Variants in OOEP observed in about 807,000 individuals in gnomAD.
OOEP encodes the protein oocyte-expressed protein homolog.
Under a neutral mutation model 13.7 loss-of-function variants are expected in OOEP, and 16 were observed. The observed-to-expected ratio is 1.16, with a 90% CI of 0.79 to 1.77. OOEP has a LOEUF of 1.77. Ranked by LOEUF, OOEP falls within the 40% of genes most tolerant of loss-of-function variation. The pLI is 0.00. For synonymous variants in OOEP, 89 were observed against 77.1 expected (o/e 1.15, Z -0.81); for missense variants, 195 against 193.1 (o/e 1.01, Z -0.06).
chr6:73,394,974 G>C, exon 1 of OOEP: 2 of 1,614,274 alleles, frequency 1.2e-6, no homozygotes, highest in Non-Finnish European at 1.7e-6. Context: ...GCTCGACAGT[G>C]TCCCGAGCGC....
chr6:73,373,128 T>C (rs1769086129), upstream of OOEP: 2 of 1,608,068 alleles, frequency 1.2e-6, no homozygotes, highest in South Asian at 1.1e-5. Flanking sequence ...AGCTTGGTTC[T>C]TCTCCAATGT....
chr6:73,370,166 C>T (rs898335141), upstream of OOEP: 3 of 207,208 alleles, frequency 1.4e-5, no homozygotes, highest in African/African-American at 2.3e-5. Context: ...TATTAATAGA[C>T]TGGGAATCAC....
intron 2 of OOEP, among the ~76,000 whole-genome samples, chr6:73,392,583 T>G (rs1769361855): frequency 1.4e-5 from 2 of 145,404 alleles, no homozygotes; most frequent in African/African-American, 5.0e-5. Flanking sequence ...AGATTACAGG[T>G]GTGAGCCACC....
chr6:73,374,038 A>G (rs942919716), upstream of OOEP, among the ~76,000 whole-genome samples: 3 of 152,046 alleles, frequency 2.0e-5, no homozygotes, highest in Admixed American at 2.0e-4. Flanking sequence ...AAAAAATAAA[A>G]TAATTAGCTG....
chr6:73,385,072 C>T (rs375081341), intron 2 of OOEP, among the ~76,000 whole-genome samples: 220 of 147,464 alleles, frequency 1.5e-3, no homozygotes, highest in African/African-American at 5.1e-3. Flanking sequence ...GGAGGCTGGG[C>T]GTGGTGGCTC....
chr6:73,388,085 C>G (rs1284089400), intron 2 of OOEP, among the ~76,000 whole-genome samples: 1 of 152,168 alleles, frequency 6.6e-6, no homozygotes, highest in Admixed American at 6.6e-5. Flanking sequence ...CCATGTTGGC[C>G]AGGCTGGTGC....
At chr6:73,378,412 C>CT (rs1358378228) in intron 2 of OOEP, among the ~76,000 whole-genome samples, 2 of 152,012 alleles carry the variant, frequency 1.3e-5, no homozygotes, top group Admixed American at 6.6e-5. Context: ...GCTACAAACT[C>CT]TAAGATCATC....
chr6:73,373,016 T>G, upstream of OOEP: 1 of 1,049,158 alleles, frequency 9.5e-7, no homozygotes, highest in Non-Finnish European at 1.5e-6. Flanking sequence ...CGTCGAAATC[T>G]CCAGATAGTG....
chr6:73,394,384 G>C, exon 2 of OOEP: 1 of 714,996 alleles, frequency 1.4e-6, no homozygotes, highest in Non-Finnish European at 2.6e-6. Flanking sequence ...CGGTGCAGTG[G>C]CTGACTGTAA....
At chr6:73,395,082 G>A (rs557388389) in exon 1 of OOEP, 2 of 1,614,172 alleles carry the variant, frequency 1.2e-6, no homozygotes, top group African/African-American at 1.3e-5. Flanking sequence ...GGCCCCCGGA[G>A]GCCGTGGCCG....
chr6:73,394,543 G>A, intron 1 of OOEP: 1 of 585,246 alleles, frequency 1.7e-6, no homozygotes, highest in Non-Finnish European at 3.0e-6. Flanking sequence ...AGGAACCCGA[G>A]GTGTGTGTCC....
chr6:73,394,211 C>T (rs1769402720), intron 2 of OOEP: 3 of 597,622 alleles, frequency 5.0e-6, no homozygotes, highest in Admixed American at 3.0e-5. Context: ...TTGTGGATTA[C>T]AACCATTTCA....
In OOEP at chr6:73,369,720, G is replaced by T. The variant is rs1356123033; in HGVS notation, c.73C>A (p.Arg25Ser). Residue 25 changes from arginine (R) to serine (S), a missense_variant, in exon 1 of 3, where the codon CGT becomes AGT. By Grantham distance (110) the Arg-to-Ser change is moderately radical (BLOSUM62 -1). Transcript: ENST00000370359. ...QTPAHSLEQL[R>S]RLPLPPPQIR... is the part of the protein sequence containing the mutation. ...TGTGGCGGCGGAAGTGGTAACCTAC[G>T]CAGCTGCTCCAGGGAGTGGGCCGGA... is the stretch of plus-strand genomic sequence containing the variant. The T allele has an allele frequency of 6.2e-7, 1 of 1,613,856 alleles. No individual in the cohort carries two copies. Among genetic ancestry groups the T allele is most frequent in the African/African-American group, 1.3e-5 (1 of 74,924 alleles).
chr6:73,380,497 C>A (rs577068564), intron 2 of OOEP, among the ~76,000 whole-genome samples: 3 of 152,210 alleles, frequency 2.0e-5, no homozygotes, highest in Admixed American at 6.5e-5. Context: ...TGCGGCAGAT[C>A]CATACAATGA....
chr6:73,380,401 A>G (rs796500285), intron 2 of OOEP, among the ~76,000 whole-genome samples: 6 of 152,120 alleles, frequency 3.9e-5, no homozygotes, highest in African/African-American at 1.4e-4. Flanking sequence ...ACCAATAACA[A>G]TGCTAATGAG....
chr6:73,385,204 G>A (rs6937939), intron 2 of OOEP, among the ~76,000 whole-genome samples: 72,388 of 151,482 alleles, frequency 0.48, 18,022 homozygotes, highest in South Asian at 0.6. Flanking sequence ...AAAATTAGCC[G>A]GGTGTGGTGG....
At chr6:73,392,116 T>A (rs1352563474) in intron 2 of OOEP, among the ~76,000 whole-genome samples, 2 of 152,198 alleles carry the variant, frequency 1.3e-5, no homozygotes, top group African/African-American at 4.8e-5. Flanking sequence ...ACCCTAATAC[T>A]AAAACCAGTC....
upstream of OOEP, among the ~76,000 whole-genome samples, chr6:73,373,585 A>T (rs564984586): frequency 1.2e-3 from 181 of 152,112 alleles, 1 homozygote; most frequent in Middle Eastern, 0.01. Flanking sequence ...GTATGCAATT[A>T]TTTTTTATTT....
chr6:73,393,921 G>A (rs1011037573), intron 2 of OOEP, among the ~76,000 whole-genome samples: 3 of 152,260 alleles, frequency 2.0e-5, no homozygotes, highest in African/African-American at 4.8e-5. Context: ...CACATCAGGT[G>A]GGTAGTGTGC....
Sources: gnomAD v4.1 joint callset for allele counts (sites outside exome capture counted in the v4.1 genomes callset) on GRCh38, gnomAD v4.1.1 for gene constraint, MANE v1.5 for transcripts, NCBI Gene and HGNC (gene_info 2026-07-23, HGNC 2026-07-21) for gene names.